Variants in BRPF1 observed in about 807,000 individuals in gnomAD.
BRPF1 encodes bromodomain and PHD finger containing 1.
BRPF1 carries 15 observed loss-of-function variants against 115.0 expected under a neutral mutation model. The ratio of observed to expected loss-of-function variants is 0.13; its 90% CI spans 0.09 to 0.20. The LOEUF is 0.20. Ranked by LOEUF, BRPF1 falls within the 10% of genes least tolerant of loss-of-function variation. BRPF1 has a pLI of 1.00. For missense variants in BRPF1, 1,118 were observed against 1,638.3 expected (o/e 0.68, Z 5.48); for synonymous variants, 647 against 619.8 (o/e 1.04, Z -0.65).
Position 9,745,729 on chromosome 3 carries a change from G to A in BRPF1, c.3205+20G>A. 1 of 1,612,854 alleles carries A rather than the reference G, an allele frequency of 6.2e-7. No homozygotes were observed. Among genetic ancestry groups the A allele is most frequent in the Non-Finnish European group, 8.5e-7 (1 of 1,178,880 alleles). On this transcript the variant is annotated intron_variant, in intron 11 of 13. Coordinates refer to ENST00000383829, the MANE Select transcript of BRPF1 (RefSeq NM_001003694.2). The surrounding 1 kb of genome is among the most constrained non-coding windows in gnomAD (Gnocchi z 5.1). ...ACAGCAGTAAGTTCCCTTGCCCAAGGCCAGGGATGCTGGGGACCCAGTGTC... is the reference window on the plus strand; with the variant it reads ...ACAGCAGTAAGTTCCCTTGCCCAAGACCAGGGATGCTGGGGACCCAGTGTC...
At chr3:9,744,578 G>A in intron 9 of BRPF1, 70 bp downstream of exon 9, 6 of 1,197,982 alleles carry the variant, frequency 5.0e-6, no homozygotes, top group South Asian at 3.3e-5. Flanking sequence ...CATACTCCCA[G>A]TTACCCCTTT....
chr3:9,739,176 G>A lies in BRPF1; in HGVS notation c.777G>A (p.Glu259=). 6.2e-7 allele frequency: 1 copy of A among 1,613,994 alleles called. No homozygotes were observed. The highest frequency in any genetic ancestry group is 8.5e-7 in the Non-Finnish European group (1 of 1,179,904). Residue 259 remains glutamate, a synonymous_variant, in exon 3 of 14, where the codon GAG becomes GAA. Coordinates refer to ENST00000383829, the MANE Select transcript of BRPF1 (RefSeq NM_001003694.2). Reference sequence around the variant, plus strand: ...GACTGGAGAAGGAGTCGTACTTTGAGAGTCATAATAAAGGCGACCCTAATG... The same window carrying A: ...GACTGGAGAAGGAGTCGTACTTTGAAAGTCATAATAAAGGCGACCCTAATG... ...MDRLEKESYF[E]SHNKGDPNAL...
At chr3:9,744,537 A>C in intron 9 of BRPF1, 29 bp downstream of exon 9, 1 of 1,463,906 alleles carries the variant, frequency 6.8e-7, no homozygotes, top group Non-Finnish European at 9.1e-7. Context: ...CAGCCCCCCA[A>C]GAGAGTGAGC....
chr3:9,738,325 CTA>C (rs2076975114), intron 2 of BRPF1, among the ~76,000 whole-genome samples: 1 of 152,236 alleles, frequency 6.6e-6, no homozygotes, highest in Non-Finnish European at 1.5e-5. Context: ...AACACTAACT[CTA>C]TGGCTGTGGT....
Position 9,743,754 on chromosome 3 carries a change from G to T in BRPF1, c.2488G>T (p.Ala830Ser), listed in dbSNP as rs1296766434. ...GATGACGGCACTGCGGCGGAAGCTT[G>T]CCCATCAGCGAGAGACGGGACGTGA... ...KEMTALRRKL[A>S]HQRETGRDGP... is the part of the protein sequence containing the mutation. Residue 830 changes from alanine to serine, a missense_variant, in exon 8 of 14, where the codon GCC becomes TCC. By Grantham distance (99) the Ala-to-Ser change is moderately conservative. Around this residue, in one of 10 missense-constraint regions of BRPF1, gnomAD observed 223 missense variants for 240.7 expected, o/e 0.93. Coordinates refer to ENST00000383829, the MANE Select transcript of BRPF1 (RefSeq NM_001003694.2). The surrounding 1 kb of genome is among the most constrained non-coding windows in gnomAD (Gnocchi z 6.1). The T allele has an allele frequency of 6.2e-7, 1 of 1,614,178 alleles. No homozygotes were observed.
At chr3:9,742,577 A>C in intron 6 of BRPF1, 5 of 980,628 alleles carry the variant, frequency 5.1e-6, no homozygotes, top group Non-Finnish European at 6.1e-6. Context: ...CAGCCTCCTT[A>C]TAAGTTACTG....
chr3:9,746,027 A>C, intron 12 of BRPF1, 97 bp downstream of exon 12: 2 of 1,394,062 alleles, frequency 1.4e-6, no homozygotes, highest in Non-Finnish European at 2.0e-6. Context: ...TGTGGGGCAC[A>C]GAGTTTCTTG....
intron 1 of BRPF1, chr3:9,733,409 A>G (rs890119795): frequency 1.3e-5 from 2 of 152,232 alleles, no homozygotes; most frequent in African/African-American, 4.8e-5. Context: ...TGTCCAGTGC[A>G]TGCTAGGTAC....
Position 9,745,636 on chromosome 3 carries a change from C to T in BRPF1, c.3132C>T (p.Asp1044=), listed in dbSNP as rs1452152476. The T allele has an allele frequency of 1.2e-6, 2 of 1,614,130 alleles. No individual in the cohort carries two copies. The highest frequency in any genetic ancestry group is 1.7e-6 in the Non-Finnish European group (2 of 1,180,052). ...PSFSRGTFPE[D]SSEDTSGTEN... ...TCTCTCGGGGCACTTTCCCAGAGGA[C>T]AGCAGTGAGGATACCTCAGGCACTG... is the stretch of plus-strand genomic sequence containing the variant. The change falls in exon 11 of 14, where the codon GAC becomes GAT. Residue 1044 remains aspartate (D), a synonymous_variant. Coordinates refer to ENST00000383829, the MANE Select transcript of BRPF1 (RefSeq NM_001003694.2). This position sits in a 1 kb window ranked among gnomAD's most constrained non-coding sequence, Gnocchi z 5.1.
At position 9,745,563 on chromosome 3, in the gene BRPF1, T is replaced by C; in HGVS notation, c.3069-10T>C. The C allele has an allele frequency of 6.2e-7, 1 of 1,613,900 alleles. No individual in the cohort carries two copies. The highest frequency in any genetic ancestry group is 8.5e-7 in the Non-Finnish European group (1 of 1,179,768). On this transcript the variant is annotated splice_polypyrimidine_tract_variant and intron_variant, in intron 10 of 13. Coordinates refer to ENST00000383829, the MANE Select transcript of BRPF1 (RefSeq NM_001003694.2). This position sits in a 1 kb window ranked among gnomAD's most constrained non-coding sequence, Gnocchi z 5.1. ...TCCTTTGAGCTGAGCTCCCATTGTC[T>C]TGTCCACAGCACAACGCCCTCAAAA...
chr3:9,746,533 T>C, intron 13 of BRPF1, 79 bp downstream of exon 13: 1 of 1,414,362 alleles, frequency 7.1e-7, no homozygotes, highest in South Asian at 1.6e-5. Flanking sequence ...GCCAGGAAAC[T>C]CCAGCAACAG....
chr3:9,747,328 T>C lies in BRPF1; in HGVS notation c.3642T>C (p.Ser1214=). Residue 1214 remains serine, a synonymous_variant, in exon 14 of 14, where the codon AGT becomes AGC. Coordinates refer to ENST00000383829, the MANE Select transcript of BRPF1 (RefSeq NM_001003694.2). The surrounding 1 kb of genome is among the most constrained non-coding windows in gnomAD (Gnocchi z 5.6). ...HRSKVQGEQS[S]ETSDSD ...GCAAGGTGCAAGGCGAGCAGAGCAG[T>C]GAGACCAGCGATAGTGATTGATACT... is the stretch of plus-strand genomic sequence containing the variant. 5 of 1,613,818 alleles carry C rather than the reference T, an allele frequency of 3.1e-6. No individual in the cohort carries two copies. The highest frequency in any genetic ancestry group is 4.2e-6 in the Non-Finnish European group (5 of 1,179,764).
chr3:9,747,040 G>A lies in BRPF1; in HGVS notation c.3480-126G>A. On this transcript the variant is annotated intron_variant, in intron 13 of 13. Coordinates refer to ENST00000383829, the MANE Select transcript of BRPF1 (RefSeq NM_001003694.2). The surrounding 1 kb of genome is among the most constrained non-coding windows in gnomAD (Gnocchi z 5.6). ...CTCTAGACCATGAACAGTCCTTTGA[G>A]GGCAGGGACCATCACAGAGTCTGGC... The A allele has an allele frequency of 9.7e-7, 1 of 1,032,082 alleles. No individual in the cohort carries two copies. Among genetic ancestry groups the A allele is most frequent in the Non-Finnish European group, 1.5e-6 (1 of 676,404 alleles). The allele number at this position is 1,032,082 out of a possible 1,614,324, so 63.9% of individuals were successfully genotyped here.
At position 9,745,956 on chromosome 3, in the gene BRPF1, T is replaced by C. The variant is rs776177680; in HGVS notation, c.3324+26T>C. The C allele has an allele frequency of 1.3e-6, 2 of 1,593,514 alleles. No individual in the cohort carries two copies. The highest frequency in any genetic ancestry group is 2.7e-5 in the African/African-American group (2 of 74,476). On this transcript the variant is annotated intron_variant, in intron 12 of 13. Transcript: ENST00000383829. This position sits in a 1 kb window ranked among gnomAD's most constrained non-coding sequence, Gnocchi z 5.1. ...GTATGCTTGCTTCTGTTACACTTCT[T>C]GCTTTCCAATCCCAGAATACAGATT... is the stretch of plus-strand genomic sequence containing the variant.
intron 2 of BRPF1, 130 bp from the exon 3 acceptor site, chr3:9,738,869 T>TGAGG: frequency 1.3e-6 from 1 of 767,320 alleles, no homozygotes. Context: ...GGAGTTAAGG[T>TGAGG]GAGGATGAAA....
chr3:9,738,256 A>G (rs921214434), intron 2 of BRPF1, among the ~76,000 whole-genome samples: 2 of 152,288 alleles, frequency 1.3e-5, no homozygotes, highest in Middle Eastern at 3.4e-3. Flanking sequence ...TGACCTATCT[A>G]TGTTTTGATT....
chr3:9,736,655 G>C (rs1257404154), intron 2 of BRPF1, among the ~76,000 whole-genome samples: 4 of 152,218 alleles, frequency 2.6e-5, no homozygotes, highest in Admixed American at 6.5e-5. Context: ...CTGGGGATCA[G>C]ATATGTTCTT....
At position 9,735,017 on chromosome 3, in the gene BRPF1, C is replaced by CTT. The variant is rs781439048; in HGVS notation, c.599+300_599+301dup. ...GTCAAGAAAGGGTGCCAGATTTATC[C>CTT]TTTTTTTTTTTTTTTTTTTTTTTGA... is the stretch of plus-strand genomic sequence containing the variant. On this transcript the variant is annotated intron_variant, in intron 2 of 13. Coordinates refer to ENST00000383829, the MANE Select transcript of BRPF1 (RefSeq NM_001003694.2). Among the ~76,000 whole-genome samples, 594 of 120,084 alleles carry CTT rather than the reference C, an allele frequency of 4.9e-3. 6 individuals carry two copies. The highest frequency in any genetic ancestry group is 9.3e-3 in the African/African-American group (280 of 30,112). The allele number at this position is 120,084 out of a possible 152,430, so 78.8% of individuals were successfully genotyped here.
At chr3:9,741,090 A>G (rs138117634) in intron 4 of BRPF1, 149 bp downstream of exon 4, 11 of 1,031,642 alleles carry the variant, frequency 1.1e-5, no homozygotes, top group Middle Eastern at 3.0e-4. Context: ...GGAATGTTCA[A>G]TGAAAAGATG....
Sources: gnomAD v4.1 joint callset for allele counts (sites outside exome capture counted in the v4.1 genomes callset) on GRCh38, gnomAD v4.1.1 for gene constraint, gnomAD v4.1.1 regional missense constraint, Gnocchi (gnomAD v3.1) non-coding constraint, MANE v1.5 for transcripts, NCBI Gene and HGNC (gene_info 2026-07-23, HGNC 2026-07-21) for gene names.